Variants in BANF2 observed in about 807,000 individuals in gnomAD.
The protein encoded by BANF2 is barrier-to-autointegration factor-like protein.
In BANF2, 4 loss-of-function variants were observed where a neutral mutation model predicts 8.0. The observed-to-expected ratio is 0.50, with a 90% CI of 0.25 to 1.14. BANF2 has a LOEUF of 1.14. Among genes scored for constraint, BANF2 ranks in the 50% most tolerant of loss-of-function variants. BANF2 has a pLI of 0.16. For missense variants in BANF2, 96 were observed against 107.5 expected, an observed-to-expected ratio of 0.89 and a Z score of 0.47; for synonymous variants, 50 against 40.6, an observed-to-expected ratio of 1.23 and a Z score of -0.88.
At position 17,722,877 on chromosome 20, in the gene BANF2, A is replaced by C; in HGVS notation, c.-5A>C. Reference sequence around the variant, plus strand: ...ACACGAGGAGCTCGACTCTGTAGAAAGGTCTGGAGGAGGATGGGGACAGGA... The same window carrying C: ...ACACGAGGAGCTCGACTCTGTAGAACGGTCTGGAGGAGGATGGGGACAGGA... On this transcript the variant is annotated splice_region_variant and 5_prime_UTR_variant, in exon 2 of 4. Coordinates refer to ENST00000246090, the MANE Select transcript of BANF2 (RefSeq NM_178477.5). 2 of 985,154 alleles carry C rather than the reference A, an allele frequency of 2.0e-6. No homozygotes were observed. The highest frequency in any genetic ancestry group is 2.4e-6 in the Non-Finnish European group (2 of 829,636). The allele number at this position is 985,154 out of a possible 1,614,324, so 61.0% of individuals were successfully genotyped here. A position where few individuals can be genotyped will look rare whatever the true frequency, so the allele number is the denominator to read the frequency against.
intron 1 of BANF2, among the ~76,000 whole-genome samples, chr20:17,715,204 A>G (rs1317670199): frequency 1.3e-5 from 2 of 152,022 alleles, no homozygotes; most frequent in Admixed American, 1.3e-4. Flanking sequence ...CTGAGCCGCC[A>G]CCTCCTTCCT....
At chr20:17,723,166 C>T (rs1034567090) in intron 2 of BANF2, among the ~76,000 whole-genome samples, 3 of 148,594 alleles carry the variant, frequency 2.0e-5, no homozygotes, top group Non-Finnish European at 4.5e-5. Context: ...CCCCCAGCCC[C>T]ACCCCTGCAG....
intron 1 of BANF2, among the ~76,000 whole-genome samples, chr20:17,703,422 AG>A (rs1425610826): frequency 1.3e-5 from 2 of 152,250 alleles, no homozygotes; most frequent in African/African-American, 2.4e-5. Context: ...AACATTCTGC[AG>A]GACAGCCCCC....
At chr20:17,698,378 C>G (rs1297099363), upstream of BANF2, among the ~76,000 whole-genome samples, 2 of 152,194 alleles carry the variant, frequency 1.3e-5, no homozygotes, top group African/African-American at 4.8e-5. Flanking sequence ...TCCTGAACAG[C>G]CTGCAGAACT....
At chr20:17,696,723 C>A (rs1215987700), upstream of BANF2, among the ~76,000 whole-genome samples, 2 of 152,196 alleles carry the variant, frequency 1.3e-5, no homozygotes, top group African/African-American at 4.8e-5. Flanking sequence ...CTTCCTCTAG[C>A]CAAGTTGAAA....
chr20:17,702,867 C>T (rs1173324684), intron 1 of BANF2, among the ~76,000 whole-genome samples: 1 of 152,232 alleles, frequency 6.6e-6, no homozygotes, highest in African/African-American at 2.4e-5. Flanking sequence ...CACAGGGCCA[C>T]TGGGCACTTG....
chr20:17,704,697 G>A (rs1270786204), intron 1 of BANF2, among the ~76,000 whole-genome samples: 4 of 152,192 alleles, frequency 2.6e-5, no homozygotes, highest in Non-Finnish European at 2.9e-5. Flanking sequence ...AAAATTGGTG[G>A]AATGGGTCTC....
intron 1 of BANF2, among the ~76,000 whole-genome samples, chr20:17,700,916 G>A (rs1000447702): frequency 1.3e-4 from 20 of 152,134 alleles, no homozygotes; most frequent in African/African-American, 4.3e-4. Flanking sequence ...GTGCCAACAC[G>A]TCCACACAGC....
chr20:17,725,232 C>A, intron 3 of BANF2, 81 bp downstream of exon 3: 1 of 1,487,728 alleles, frequency 6.7e-7, no homozygotes, highest in South Asian at 1.2e-5. Context: ...GTTCCTGCCA[C>A]GTGTCCCTGT....
chr20:17,719,687 T>TAATAAAAA (rs2037702617), intron 1 of BANF2, among the ~76,000 whole-genome samples: 1 of 141,832 alleles, frequency 7.1e-6, no homozygotes. Context: ...TTTTTTTAAT[T>TAATAAAAA]AAAAAAAAAA....
At chr20:17,714,031 C>A (rs1426687972) in intron 1 of BANF2, among the ~76,000 whole-genome samples, 7 of 151,496 alleles carry the variant, frequency 4.6e-5, no homozygotes, top group African/African-American at 7.3e-5. Context: ...CATGATGAAA[C>A]CCCGTCTCTA....
chr20:17,706,562 G>A (rs117505905), intron 1 of BANF2, among the ~76,000 whole-genome samples: 58 of 152,270 alleles, frequency 3.8e-4, no homozygotes, highest in Non-Finnish European at 7.2e-4. Context: ...TAGCTTTGTC[G>A]TGAGGATTAA....
chr20:17,716,716 C>A (rs1301283317), intron 1 of BANF2, among the ~76,000 whole-genome samples: 2 of 151,192 alleles, frequency 1.3e-5, no homozygotes, highest in Non-Finnish European at 1.5e-5. Context: ...CGGCATGCAT[C>A]TGTGGTCCCA....
intron 1 of BANF2, among the ~76,000 whole-genome samples, chr20:17,711,153 C>T (rs371188626): frequency 8.5e-5 from 13 of 152,324 alleles, no homozygotes; most frequent in East Asian, 1.9e-4. Flanking sequence ...CTGGTGGGAA[C>T]GGAGAACAAA....
At chr20:17,706,283 T>C (rs1255540225) in intron 1 of BANF2, among the ~76,000 whole-genome samples, 1 of 152,134 alleles carries the variant, frequency 6.6e-6, no homozygotes, top group African/African-American at 2.4e-5. Context: ...CAACATTACC[T>C]TTGAGACCCT....
At chr20:17,725,226 C>T in intron 3 of BANF2, 75 bp downstream of exon 3, 3 of 1,508,372 alleles carry the variant, frequency 2.0e-6, no homozygotes, top group Non-Finnish European at 2.7e-6. Flanking sequence ...ATGGCAGTTC[C>T]TGCCACGTGT....
At chr20:17,703,159 G>A (rs2037434376) in intron 1 of BANF2, among the ~76,000 whole-genome samples, 1 of 152,176 alleles carries the variant, frequency 6.6e-6, no homozygotes, top group African/African-American at 2.4e-5. Context: ...TTCAACAGGA[G>A]GGCCTCAGAT....
intron 1 of BANF2, among the ~76,000 whole-genome samples, chr20:17,715,686 C>A (rs1156988419): frequency 6.6e-6 from 1 of 152,100 alleles, no homozygotes; most frequent in Non-Finnish European, 1.5e-5. Flanking sequence ...CCTTTGTGCC[C>A]AGCACAGTGC....
intron 3 of BANF2, among the ~76,000 whole-genome samples, chr20:17,729,177 G>A (rs1267540611): frequency 6.6e-6 from 1 of 152,186 alleles, no homozygotes; most frequent in Non-Finnish European, 1.5e-5. Context: ...ACATGCCAAT[G>A]AGGCTCGCTG....
Sources: gnomAD v4.1 joint callset for allele counts (sites outside exome capture counted in the v4.1 genomes callset) on GRCh38, gnomAD v4.1.1 for gene constraint, MANE v1.5 for transcripts, NCBI Gene and HGNC (gene_info 2026-07-23, HGNC 2026-07-21) for gene names.